ASCC3: variants seen among roughly 807,000 people sequenced by gnomAD.
ASCC3 encodes activating signal cointegrator 1 complex subunit 3.
Under a neutral mutation model 256.3 loss-of-function variants are expected in ASCC3, and 158 were observed. That is an observed-to-expected ratio of 0.62 (90% CI 0.54 to 0.70). The LOEUF is 0.70. Ranked by LOEUF, ASCC3 falls within the 30% of genes least tolerant of loss-of-function variation. The pLI is 0.00. For missense variants in ASCC3, 2,259 were observed against 2,626.0 expected (o/e 0.86, Z 3.05); for synonymous variants, 948 against 883.4 (o/e 1.07, Z -1.30).
chr6:100,736,287 G>A (rs1417792051), intron 10 of ASCC3, among the ~76,000 whole-genome samples: 1 of 152,034 alleles, frequency 6.6e-6, no homozygotes, highest in East Asian at 1.9e-4. Flanking sequence ...GGCAGATCAC[G>A]AGGTCAGGAG....
chr6:100,643,899 A>G (rs1775252685), intron 23 of ASCC3, 132 bp downstream of exon 23: 1 of 642,098 alleles, frequency 1.6e-6, no homozygotes, highest in African/African-American at 1.8e-5. Context: ...TTCTTTTAAA[A>G]CTAATAGGAA....
chr6:100,832,717 C>G (rs1260104248), intron 4 of ASCC3, among the ~76,000 whole-genome samples: 1 of 151,970 alleles, frequency 6.6e-6, no homozygotes, highest in African/African-American at 2.4e-5. Context: ...AATCTATTAG[C>G]TCCTAAACCA....
intron 4 of ASCC3, among the ~76,000 whole-genome samples, chr6:100,812,959 C>T (rs199924501): frequency 8.4e-6 from 1 of 119,070 alleles, no homozygotes; most frequent in South Asian, 2.3e-4. Context: ...GATGGATGGA[C>T]AGACAGATAG....
In ASCC3 at chr6:100,798,847, A is replaced by G; in HGVS notation, c.1270-9T>C. 6.2e-7 allele frequency: 1 copy of G among 1,604,844 alleles called. No homozygotes were observed. Among genetic ancestry groups the G allele is most frequent in the Non-Finnish European group, 8.5e-7 (1 of 1,173,278 alleles). On this transcript the variant is annotated splice_polypyrimidine_tract_variant and intron_variant, in intron 7 of 41. Transcript: ENST00000369162. ...CCTTCTGGCAAAATCATCTATAAAC[A>G]TCAACAATAAAAATCCAATAATAAT...
intron 14 of ASCC3, among the ~76,000 whole-genome samples, chr6:100,676,578 G>A (rs1777019130): frequency 6.6e-6 from 1 of 152,100 alleles, no homozygotes; most frequent in African/African-American, 2.4e-5. Context: ...GACAAATCTG[G>A]AAATATAGGT....
chr6:100,749,192 A>G (rs757143464), intron 10 of ASCC3, among the ~76,000 whole-genome samples: 13 of 152,048 alleles, frequency 8.5e-5, no homozygotes, highest in Non-Finnish European at 1.6e-4. Context: ...GAGTGAACGA[A>G]AAACGTTATT....
At chr6:100,668,185 T>C (rs940814081) in intron 14 of ASCC3, among the ~76,000 whole-genome samples, 20 of 151,994 alleles carry the variant, frequency 1.3e-4, no homozygotes, top group African/African-American at 3.9e-4. Flanking sequence ...GCTTAAAATG[T>C]TTACTACCTG....
chr6:100,829,228 C>A (rs920005147), intron 4 of ASCC3, among the ~76,000 whole-genome samples: 1 of 152,296 alleles, frequency 6.6e-6, no homozygotes, highest in Admixed American at 6.5e-5. Flanking sequence ...CACCGTGCAC[C>A]TGCACTCCTC....
intron 36 of ASCC3, among the ~76,000 whole-genome samples, chr6:100,543,783 T>TTTTAGTGA (rs1405568741): frequency 6.6e-6 from 1 of 152,108 alleles, no homozygotes; most frequent in Admixed American, 6.5e-5. Flanking sequence ...AATACCTATC[T>TTTTAGTGA]TTTAATAATC....
intron 36 of ASCC3, among the ~76,000 whole-genome samples, chr6:100,551,490 A>T (rs1769296578): frequency 6.6e-6 from 1 of 151,984 alleles, no homozygotes; most frequent in Admixed American, 6.6e-5. Flanking sequence ...AAATTTGAAT[A>T]GAAAAGGGGG....
At chr6:100,852,343 G>A (rs547111559) in intron 3 of ASCC3, among the ~76,000 whole-genome samples, 1 of 152,132 alleles carries the variant, frequency 6.6e-6, no homozygotes, top group East Asian at 1.9e-4. Flanking sequence ...CATCAGAAGG[G>A]GGAGATGGAA....
At chr6:100,744,416 A>T (rs966637810) in intron 10 of ASCC3, among the ~76,000 whole-genome samples, 1 of 152,172 alleles carries the variant, frequency 6.6e-6, no homozygotes, top group Non-Finnish European at 1.5e-5. Flanking sequence ...ATAAAGAGAC[A>T]AGGTCTAGAA....
intron 39 of ASCC3, among the ~76,000 whole-genome samples, chr6:100,513,742 T>C (rs1413260112): frequency 6.6e-6 from 1 of 152,078 alleles, no homozygotes; most frequent in African/African-American, 2.4e-5. Flanking sequence ...AAGACATTTG[T>C]AAAAAATCAG....
intron 36 of ASCC3, among the ~76,000 whole-genome samples, chr6:100,545,684 T>A (rs943003919): frequency 6.6e-6 from 1 of 152,190 alleles, no homozygotes. Context: ...CTCAAACTCC[T>A]GGGCTCGTTA....
chr6:100,634,845 A>AC (rs1185808074), intron 25 of ASCC3, among the ~76,000 whole-genome samples: 1 of 144,088 alleles, frequency 6.9e-6, no homozygotes, highest in Admixed American at 7.1e-5. Context: ...ACACAGCGAG[A>AC]CCCCATCTCC....
At chr6:100,761,128 T>C (rs967133574) in intron 10 of ASCC3, among the ~76,000 whole-genome samples, 2 of 152,038 alleles carry the variant, frequency 1.3e-5, no homozygotes, top group Admixed American at 1.3e-4. Flanking sequence ...GAACAATAAT[T>C]TGAATGGAGT....
intron 16 of ASCC3, among the ~76,000 whole-genome samples, chr6:100,658,454 T>C (rs1336575092): frequency 6.6e-6 from 1 of 151,490 alleles, no homozygotes; most frequent in Non-Finnish European, 1.5e-5. Flanking sequence ...TGCGTGTGTA[T>C]ATATGTATAT....
intron 30 of ASCC3, among the ~76,000 whole-genome samples, chr6:100,616,981 T>TTTG (rs1773693722): frequency 6.6e-6 from 1 of 151,730 alleles, no homozygotes; most frequent in African/African-American, 2.4e-5. Context: ...TTCTGAACTT[T>TTTG]TTGTTGTTGT....
intron 3 of ASCC3, among the ~76,000 whole-genome samples, chr6:100,861,030 C>T (rs977374082): frequency 1.3e-5 from 2 of 151,960 alleles, no homozygotes; most frequent in African/African-American, 4.8e-5. Flanking sequence ...CTAAAGCAAA[C>T]GACTACTGAA....
Sources: allele counts gnomAD v4.1 joint callset (sites outside exome capture counted in the v4.1 genomes callset), GRCh38; gene constraint gnomAD v4.1.1; transcripts MANE v1.5; gene names NCBI Gene and HGNC (gene_info 2026-07-23, HGNC 2026-07-21).